HEATR4: variants seen among roughly 807,000 people sequenced by gnomAD.
The protein encoded by HEATR4 is HEAT repeat-containing protein 4.
HEATR4 carries 95 observed loss-of-function variants against 108.8 expected under a neutral mutation model. That is an observed-to-expected ratio of 0.87 (90% CI 0.74 to 1.04). The LOEUF is 1.04. Among genes scored for constraint, HEATR4 ranks in the 50% least tolerant of loss-of-function variants. The pLI is 0.00. For synonymous variants in HEATR4, 443 were observed against 459.4 expected, an observed-to-expected ratio of 0.96 and a Z score of 0.46; for missense variants, 1,152 against 1,253.8, an observed-to-expected ratio of 0.92 and a Z score of 1.23.
chr14:73,527,554 G>A (rs1447709663), intron 2 of HEATR4, among the ~76,000 whole-genome samples: 1 of 151,352 alleles, frequency 6.6e-6, no homozygotes, highest in Non-Finnish European at 1.5e-5. Context: ...CTTCGCAAAA[G>A]AAAAAAAATC....
the HEATR4 span, among the ~76,000 whole-genome samples, chr14:73,573,940 T>C: frequency 4.1e-3 from 617 of 152,182 alleles, 8 homozygotes; most frequent in African/African-American, 0.014. Context: ...TTGGTCAGGC[T>C]GGTCTTGAAC....
the HEATR4 span, among the ~76,000 whole-genome samples, chr14:73,602,913 T>A: frequency 1.3e-5 from 2 of 152,196 alleles, no homozygotes. Flanking sequence ...AGGCTGAAAT[T>A]TGATTTTGGG....
intron 5 of HEATR4, among the ~76,000 whole-genome samples, chr14:73,514,883 A>G (rs1297231478): frequency 2.0e-5 from 3 of 152,184 alleles, no homozygotes; most frequent in East Asian, 1.9e-4. Context: ...CCTGGCTAAC[A>G]CGGTGAAAAC....
Position 73,538,002 on chromosome 14 carries a change from C to T in HEATR4, c.-151-7758G>A. ...TCGCTTGTGTGTGTGTCCCTCCTCC[C>T]GCCCCACCACCACCACCCCGGGCTA... On this transcript the variant is annotated intron_variant, in intron 1 of 17. Coordinates refer to ENST00000553558, the MANE Select transcript of HEATR4 (RefSeq NM_001220484.1). 3.6e-6 allele frequency: 3 copies of T among 838,710 alleles called. 1 individual carries two copies. Among genetic ancestry groups the T allele is most frequent in the Non-Finnish European group, 4.7e-6 (3 of 636,254 alleles). 52.0% of individuals were successfully genotyped at this position (838,710 alleles called of 1,614,324 possible). A position where few individuals can be genotyped will look rare whatever the true frequency, so the allele number is the denominator to read the frequency against.
At position 73,523,036 on chromosome 14, in the gene HEATR4, C is replaced by G; in HGVS notation, c.117G>C (p.Glu39Asp). ...TAGGCACACTGGAGACAGAGGCACA[C>G]TCCTCCTTGCCTTTCAATTTTGAGT... ...LNYSKLKGKE[E>D]CASVSSVPMV... Residue 39 changes from glutamate to aspartate, a missense_variant, in exon 3 of 18, where the codon GAG becomes GAC. By Grantham distance (45) the Glu-to-Asp change is conservative. Transcript: ENST00000553558. The G allele has an allele frequency of 6.2e-7, 1 of 1,614,104 alleles. No individual in the cohort carries two copies. Among genetic ancestry groups the G allele is most frequent in the South Asian group, 1.1e-5 (1 of 91,080 alleles).
the HEATR4 span, among the ~76,000 whole-genome samples, chr14:73,566,502 C>A: frequency 6.6e-6 from 1 of 152,156 alleles, no homozygotes; most frequent in Non-Finnish European, 1.5e-5. Context: ...TAAGGCCCAG[C>A]GAGAAATTGA....
intron 17 of HEATR4, among the ~76,000 whole-genome samples, chr14:73,489,224 C>A (rs186789504): frequency 6.6e-6 from 1 of 152,048 alleles, no homozygotes; most frequent in East Asian, 1.9e-4. Context: ...GTTAGACAAC[C>A]CCTAGCCCCC....
At chr14:73,494,881 A>C (rs1435831871) in intron 16 of HEATR4, among the ~76,000 whole-genome samples, 3 of 152,114 alleles carry the variant, frequency 2.0e-5, no homozygotes, top group Non-Finnish European at 4.4e-5. Context: ...ACCACTATTA[A>C]GGTTAAGCTC....
intron 17 of HEATR4, among the ~76,000 whole-genome samples, chr14:73,479,100 A>C (rs1885135703): frequency 6.7e-6 from 1 of 149,754 alleles, no homozygotes; most frequent in Non-Finnish European, 1.5e-5. Flanking sequence ...CACCACGCCC[A>C]GCTAATTTTT....
chr14:73,566,994 A>C, the HEATR4 span, among the ~76,000 whole-genome samples: 1 of 151,932 alleles, frequency 6.6e-6, no homozygotes, highest in Non-Finnish European at 1.5e-5. Context: ...TTTTTAGTAG[A>C]GATGGGGTTT....
intron 13 of HEATR4, among the ~76,000 whole-genome samples, chr14:73,498,576 A>G (rs1178463678): frequency 1.3e-5 from 2 of 152,238 alleles, no homozygotes; most frequent in Non-Finnish European, 2.9e-5. Flanking sequence ...GAAATATAGA[A>G]CAAATAACAT....
Position 73,551,395 on chromosome 14 carries a change from A to G in HEATR4, c.-152+7356T>C, listed in dbSNP as rs1415438464. On this transcript the variant is annotated intron_variant, in intron 1 of 17. Transcript: ENST00000553558. ...TTGCCTCTCTAAACTGAAAATTCGC[A>G]GTTGGTGCCAGAGGGCCAGAGTGAG... is the stretch of plus-strand genomic sequence containing the variant. 1.0e-4 allele frequency among the ~76,000 whole-genome samples: 12 copies of G among 114,916 alleles called. 2 individuals are homozygous for G. The highest frequency in any genetic ancestry group is 2.5e-4 in the African/African-American group (9 of 35,382). 75.4% of individuals were successfully genotyped at this position (114,916 alleles called of 152,430 possible).
the HEATR4 span, among the ~76,000 whole-genome samples, chr14:73,618,618 C>T: frequency 9.7e-6 from 1 of 103,408 alleles, no homozygotes; most frequent in East Asian, 7.0e-4. Context: ...TTTATCAAGG[C>T]AGGAGAAAAT....
the HEATR4 span, among the ~76,000 whole-genome samples, chr14:73,577,946 G>C: frequency 7.2e-5 from 11 of 151,882 alleles, no homozygotes; most frequent in Admixed American, 6.6e-4. Context: ...CGCCTCCTGG[G>C]TTCACGTGAT....
Position 73,522,943 on chromosome 14 carries a change from G to A in HEATR4, c.210C>T (p.Asn70=), listed in dbSNP as rs1486495616. ...ACACCACCTCCTGAGAGAAGGTAAG[G>A]TTTGCAGCAGCCATTTTCAAATATT... is the stretch of plus-strand genomic sequence containing the variant. ...KSQYLKMAAA[N]LTFSQEVVWQ... Residue 70 remains asparagine (N), a synonymous_variant, in exon 3 of 18, where the codon AAC becomes AAT. Coordinates refer to ENST00000553558, the MANE Select transcript of HEATR4 (RefSeq NM_001220484.1). The A allele has an allele frequency of 1.2e-6, 2 of 1,614,234 alleles. No homozygotes were observed. Among genetic ancestry groups the A allele is most frequent in the South Asian group, 1.1e-5 (1 of 91,084 alleles).
the HEATR4 span, among the ~76,000 whole-genome samples, chr14:73,618,061 C>T: frequency 2.0e-5 from 3 of 151,732 alleles, no homozygotes; most frequent in African/African-American, 2.4e-5. Flanking sequence ...GAGAATTGCT[C>T]GAACTCAGGA....
the HEATR4 span, among the ~76,000 whole-genome samples, chr14:73,566,431 CG>C: frequency 5.9e-5 from 9 of 152,070 alleles, no homozygotes; most frequent in South Asian, 2.1e-4. Flanking sequence ...CCCACGGAGG[CG>C]GGGGGAGGCT....
chr14:73,572,113 CAA>C, the HEATR4 span, among the ~76,000 whole-genome samples: 2 of 134,178 alleles, frequency 1.5e-5, no homozygotes, highest in Admixed American at 7.8e-5. Flanking sequence ...TCTTAACTTA[CAA>C]AGTTAAATAT....
chr14:73,498,215 T>C lies in HEATR4; in HGVS notation c.2486A>G (p.Asp829Gly), dbSNP rs758297232. The C allele has an allele frequency of 6.2e-7, 1 of 1,614,080 alleles. No homozygotes were observed. The highest frequency in any genetic ancestry group is 1.1e-5 in the South Asian group (1 of 91,074). ...GTCTAGGAAGGTGTCCCTGACCCGG[T>C]CCCCTTGAAGTTTCAGGGCTAGGAT... ...RSILALKLQGDRVRDTFLDVL... is the reference protein window; with the variant it reads ...RSILALKLQGGRVRDTFLDVL... The change falls in exon 14 of 18, where the codon GAC (aspartate) becomes GGC (glycine). Residue 829 changes from aspartate (D) to glycine (G), a missense_variant. Physicochemically the swap from Asp to Gly is moderately conservative, Grantham distance 94. Transcript: ENST00000553558.
Sources: gnomAD v4.1 joint callset for allele counts (sites outside exome capture counted in the v4.1 genomes callset) on GRCh38, gnomAD v4.1.1 for gene constraint, MANE v1.5 for transcripts, NCBI Gene and HGNC (gene_info 2026-07-23, HGNC 2026-07-21) for gene names.